OSTM1: variants seen among roughly 807,000 people sequenced by gnomAD.
OSTM1 encodes osteoclastogenesis associated transmembrane protein 1.
OSTM1 carries 26 observed loss-of-function variants against 35.4 expected under a neutral mutation model. The observed-to-expected ratio is 0.73, with a 90% confidence interval of 0.54 to 1.02. The LOEUF (loss-of-function observed/expected upper bound fraction) is 1.02. OSTM1 is among the 50% of genes least tolerant of loss of function. The pLI is 0.00. For synonymous variants in OSTM1, 181 were observed against 165.0 expected, an observed-to-expected ratio of 1.10 and a Z score of -0.75; for missense variants, 366 against 409.6, an observed-to-expected ratio of 0.89 and a Z score of 0.92.
intron 2 of OSTM1, among the ~76,000 whole-genome samples, chr6:108,057,751 T>C (rs1272213413): frequency 1.3e-5 from 2 of 152,182 alleles, no homozygotes; most frequent in Non-Finnish European, 2.9e-5. Flanking sequence ...GGTTAAAAAG[T>C]CTTCATTATT....
At chr6:108,061,369 C>A (rs1772267568) in intron 2 of OSTM1, among the ~76,000 whole-genome samples, 1 of 152,024 alleles carries the variant, frequency 6.6e-6, no homozygotes, top group Non-Finnish European at 1.5e-5. Context: ...ATTTCCAAGG[C>A]CCCTCCCTAC....
intron 2 of OSTM1, among the ~76,000 whole-genome samples, chr6:108,061,842 C>CA (rs200892976): frequency 6.0e-4 from 88 of 147,798 alleles, no homozygotes; most frequent in South Asian, 2.2e-3. Context: ...CCCACTGAGC[C>CA]AAAAAAAAAC....
In OSTM1 at chr6:108,074,511, C is replaced by A; in HGVS notation, c.141G>T (p.Leu47=). 1 of 1,558,908 alleles carries A rather than the reference C, an allele frequency of 6.4e-7. No homozygotes were observed. Among genetic ancestry groups the A allele is most frequent in the Non-Finnish European group, 8.7e-7 (1 of 1,152,374 alleles). ...SSPHRVFHDL[L]SEQQLLEVED... is the part of the protein sequence containing the mutation. ...CCACCTCCAGCAACTGCTGCTCCGACAGGAGGTCGTGGAAGACCCTGTGCG... is the reference window on the plus strand; with the variant it reads ...CCACCTCCAGCAACTGCTGCTCCGAAAGGAGGTCGTGGAAGACCCTGTGCG... Residue 47 remains leucine (L), a synonymous_variant, in exon 1 of 6, where the codon CTG becomes CTT. Coordinates refer to ENST00000193322, the MANE Select transcript of OSTM1 (RefSeq NM_014028.4).
At position 108,043,662 on chromosome 6, in the gene OSTM1, A is replaced by G. The variant is rs1771913282; in HGVS notation, c.*1123T>C. On this transcript the variant is annotated 3_prime_UTR_variant, in exon 6 of 6. Transcript: ENST00000193322. ...CTAAAGGCTAATACAAACATACCAA[A>G]ATAGAATTTCTGAGCACGAACTATG... The G allele has an allele frequency of 6.6e-6, 1 of 152,226 alleles. No homozygotes were observed. Among genetic ancestry groups the G allele is most frequent in the South Asian group, 2.1e-4 (1 of 4,832 alleles). 9.4% of individuals were successfully genotyped at this position (152,226 alleles called of 1,614,324 possible). A position where few individuals can be genotyped will look rare whatever the true frequency, so the allele number is the denominator to read the frequency against.
chr6:108,062,236 G>T (rs1461240462), intron 2 of OSTM1, among the ~76,000 whole-genome samples: 1 of 152,078 alleles, frequency 6.6e-6, no homozygotes, highest in Non-Finnish European at 1.5e-5. Flanking sequence ...CATGACAGTT[G>T]ACCTTATAAC....
chr6:108,058,819 T>C (rs1772217513), intron 2 of OSTM1, among the ~76,000 whole-genome samples: 1 of 152,186 alleles, frequency 6.6e-6, no homozygotes. Flanking sequence ...TTCTGGTTAA[T>C]CATTAAGTAC....
At chr6:108,071,460 A>ATTTTTTTTTTTTTT (rs545759140) in intron 1 of OSTM1, among the ~76,000 whole-genome samples, 19 of 103,418 alleles carry the variant, frequency 1.8e-4, no homozygotes, top group African/African-American at 4.1e-4. Context: ...CACCCGGCTA[A>ATTTTTTTTTTTTTT]TTTTTTTTTT....
In OSTM1 at chr6:108,074,536, G is replaced by T. The variant is rs752040557; in HGVS notation, c.116C>A (p.Pro39Gln). The change falls in exon 1 of 6, where the codon CCG becomes CAG. Residue 39 changes from proline to glutamine, a missense_variant. By Grantham distance (76) the Pro-to-Gln change is moderately conservative (BLOSUM62 -1). Transcript: ENST00000193322. ...CAGGAGGTCGTGGAAGACCCTGTGC[G>T]GACTGCTGCCGAAGGGGAGCGCGCC... ...ALGALPFGSS[P>Q]HRVFHDLLSE... is the part of the protein sequence containing the mutation. 1 of 1,556,990 alleles carries T rather than the reference G, an allele frequency of 6.4e-7. No individual in the cohort carries two copies. The highest frequency in any genetic ancestry group is 8.7e-7 in the Non-Finnish European group (1 of 1,151,926).
intron 5 of OSTM1, among the ~76,000 whole-genome samples, chr6:108,047,355 G>A (rs1196470412): frequency 2.0e-5 from 3 of 152,206 alleles, no homozygotes; most frequent in Non-Finnish European, 2.9e-5. Context: ...ACAGCACCAT[G>A]AGCAATGAGG....
In OSTM1 at chr6:108,074,703, C is replaced by CGGCACCGCGGACA; in HGVS notation, c.-65_-53dup. 1.4e-6 allele frequency: 2 copies of CGGCACCGCGGACA among 1,459,434 alleles called. No homozygotes were observed. Among genetic ancestry groups the CGGCACCGCGGACA allele is most frequent in the Non-Finnish European group, 1.8e-6 (2 of 1,113,410 alleles). The allele number at this position is 1,459,434 out of a possible 1,614,324, so 90.4% of individuals were successfully genotyped here. On this transcript the variant is annotated 5_prime_UTR_variant, in exon 1 of 6. Coordinates refer to ENST00000193322, the MANE Select transcript of OSTM1 (RefSeq NM_014028.4). ...CCACCGCCGCCTCTCCGCCCCCAGC[C>CGGCACCGCGGACA]GGCACCGCGGACAGCCGCCGCTTCC... is the stretch of plus-strand genomic sequence containing the variant.
intron 1 of OSTM1, among the ~76,000 whole-genome samples, chr6:108,067,395 T>A (rs182531274): frequency 1.3e-5 from 2 of 152,268 alleles, no homozygotes; most frequent in Admixed American, 1.3e-4. Flanking sequence ...CTTGTCTGCT[T>A]CCCACTCCCT....
At chr6:108,050,414 A>G (rs1472365927) in intron 4 of OSTM1, among the ~76,000 whole-genome samples, 1 of 124,046 alleles carries the variant, frequency 8.1e-6, no homozygotes, top group Non-Finnish European at 1.5e-5. Flanking sequence ...CCCAGGCTGG[A>G]GTGCACTGGC....
intron 1 of OSTM1, among the ~76,000 whole-genome samples, chr6:108,065,110 C>T (rs913226029): frequency 1.1e-4 from 16 of 152,158 alleles, no homozygotes; most frequent in Admixed American, 2.0e-4. Flanking sequence ...CCATCCACCT[C>T]GGCCTCCCAA....
intron 1 of OSTM1, among the ~76,000 whole-genome samples, chr6:108,068,239 T>C (rs1772414873): frequency 6.6e-6 from 1 of 152,144 alleles, no homozygotes. Flanking sequence ...CTTAAACTCT[T>C]AGTGTTCCTA....
intron 2 of OSTM1, among the ~76,000 whole-genome samples, chr6:108,059,897 T>C (rs111725028): frequency 0.026 from 3,894 of 152,310 alleles, 138 homozygotes; most frequent in African/African-American, 0.081. Context: ...AAATAGCTAA[T>C]CTCTCTAACC....
rs532541948 is a variant in OSTM1, at chr6:108,059,871, G to GT, written c.517+4313dup. ...GATGAATGATGATAATTTTTAATGCGTAATTCTGGAAAATGAAATAGCTAA... is the reference window on the plus strand; with the variant it reads ...GATGAATGATGATAATTTTTAATGCGTTAATTCTGGAAAATGAAATAGCTAA... On this transcript the variant is annotated intron_variant, in intron 2 of 5. Transcript: ENST00000193322. Among the ~76,000 whole-genome samples, 116 of 152,212 alleles carry GT rather than the reference G, an allele frequency of 7.6e-4. 2 individuals are homozygous for GT. In the Middle Eastern group the frequency reaches 0.014, roughly 18 times the overall value.
rs185171358 is a variant in OSTM1, at chr6:108,052,365, G to A, written c.616-1167C>T. On this transcript the variant is annotated intron_variant, in intron 3 of 5. Transcript: ENST00000193322. ...GGAGAATGGCGTGAACCCGGGAGGC[G>A]GAGCTTGCAGTGAGCCGAGATCGCG... Among the ~76,000 whole-genome samples, 212 of 151,576 alleles carry A rather than the reference G, an allele frequency of 1.4e-3. 1 individual carries two copies. Among genetic ancestry groups the A allele is most frequent in the African/African-American group, 4.9e-3 (202 of 41,296 alleles).
chr6:108,048,691 T>C (rs1168284333), intron 5 of OSTM1, among the ~76,000 whole-genome samples: 4 of 152,104 alleles, frequency 2.6e-5, no homozygotes, highest in African/African-American at 9.7e-5. Context: ...TTGCCAACCT[T>C]ATTCCAGGGG....
intron 1 of OSTM1, among the ~76,000 whole-genome samples, chr6:108,070,436 A>T (rs1562377017): frequency 6.6e-6 from 1 of 152,172 alleles, no homozygotes; most frequent in Non-Finnish European, 1.5e-5. Flanking sequence ...ATTTCCCCAT[A>T]TAAGGTATTT....
Sources: allele counts gnomAD v4.1 joint callset (sites outside exome capture counted in the v4.1 genomes callset), GRCh38; gene constraint gnomAD v4.1.1; transcripts MANE v1.5; gene names NCBI Gene and HGNC (gene_info 2026-07-23, HGNC 2026-07-21).